CLVS1: variants seen among roughly 807,000 people sequenced by gnomAD.
The protein encoded by CLVS1 is clavesin 1, also known as clavesin-1.
CLVS1 carries 10 observed loss-of-function variants against 33.1 expected under a neutral mutation model. That is an observed-to-expected ratio of 0.30 (90% CI 0.19 to 0.51). CLVS1 has a LOEUF of 0.51. Ranked by LOEUF, CLVS1 falls within the 20% of genes least tolerant of loss-of-function variation. CLVS1 has a pLI of 0.97. For missense variants in CLVS1, 343 were observed against 433.4 expected, an observed-to-expected ratio of 0.79 and a Z score of 1.85; for synonymous variants, 163 against 166.1, an observed-to-expected ratio of 0.98 and a Z score of 0.14.
intron 1 of CLVS1, among the ~76,000 whole-genome samples, chr8:61,063,525 G>A (rs1455237498): frequency 6.6e-6 from 1 of 152,100 alleles, no homozygotes; most frequent in African/African-American, 2.4e-5. Context: ...CCTGGCTGGG[G>A]CACAGGCTTC....
intron 3 of CLVS1, among the ~76,000 whole-genome samples, chr8:61,399,328 T>C (rs1033494921): frequency 6.6e-6 from 1 of 151,910 alleles, no homozygotes; most frequent in Non-Finnish European, 1.5e-5. Context: ...TGGCCACATG[T>C]ATGTCTTCTT....
chr8:61,429,279 G>A (rs1055227748), intron 3 of CLVS1, among the ~76,000 whole-genome samples: 1 of 152,144 alleles, frequency 6.6e-6, no homozygotes, highest in South Asian at 2.1e-4. Flanking sequence ...AATTAGCTGG[G>A]CGTGGTTGCT....
chr8:61,467,353 C>T lies in CLVS1; in HGVS notation c.977+8811C>T, dbSNP rs550226753. Among the ~76,000 whole-genome samples, 14 of 152,286 alleles carry T rather than the reference C, an allele frequency of 9.2e-5. No homozygotes were observed. The South Asian group carries it at 2.7e-3, about 29-fold the overall frequency. ...TTTGTTTCATTTATTCTTAGCCAGT[C>T]CTGACAGCGGCTATTAACAATGGAC... is the stretch of plus-strand genomic sequence containing the variant. On this transcript the variant is annotated intron_variant, in intron 5 of 5. Coordinates refer to ENST00000325897, the MANE Select transcript of CLVS1 (RefSeq NM_173519.3).
rs192446361 is a variant in CLVS1 at position 61,412,478 on chromosome 8, C to T, written c.630+35699C>T. On this transcript the variant is annotated intron_variant, in intron 3 of 5. Coordinates refer to ENST00000325897, the MANE Select transcript of CLVS1 (RefSeq NM_173519.3). ...AAAATAGGTTGAATTATGTCAGAAG[C>T]TCTGTATAGGTATCTACTGTGGCTA... Among the ~76,000 whole-genome samples, 268 of 152,218 alleles carry T rather than the reference C, an allele frequency of 1.8e-3. 1 individual carries two copies. The highest frequency in any genetic ancestry group is 6.0e-3 in the African/African-American group (248 of 41,528).
chr8:61,035,275 A>G, the CLVS1 span, among the ~76,000 whole-genome samples: 1 of 148,890 alleles, frequency 6.7e-6, no homozygotes, highest in Admixed American at 6.8e-5. Context: ...AGAGTCTGAA[A>G]TTTCTCATTC....
intron 2 of CLVS1, among the ~76,000 whole-genome samples, chr8:61,256,377 G>A (rs1809082284): frequency 6.6e-6 from 1 of 152,204 alleles, no homozygotes; most frequent in African/African-American, 2.4e-5. Flanking sequence ...GCCGGGCGTG[G>A]TGGCAGACAC....
At chr8:61,261,934 C>A (rs1585730995) in intron 2 of CLVS1, among the ~76,000 whole-genome samples, 3 of 150,698 alleles carry the variant, frequency 2.0e-5, no homozygotes, top group African/African-American at 7.3e-5. Context: ...ATCACTGCTT[C>A]TTTTCTTTCT....
chr8:61,172,678 T>C (rs547763412), intron 2 of CLVS1, among the ~76,000 whole-genome samples: 31 of 152,296 alleles, frequency 2.0e-4, no homozygotes, highest in South Asian at 8.3e-4. Flanking sequence ...ATCTTTAAAA[T>C]GTGCAATGTC....
At position 61,398,320 on chromosome 8, in the gene CLVS1, C is replaced by T. The variant is rs560940105; in HGVS notation, c.630+21541C>T. ...CCTCAGCCTCCCAAGTAGCTGTAAC[C>T]ACAGGTATGCACCACAATGCCTGGT... On this transcript the variant is annotated intron_variant, in intron 3 of 5. Transcript: ENST00000325897. 4.0e-5 allele frequency among the ~76,000 whole-genome samples: 6 copies of T among 151,564 alleles called. No homozygotes were observed. The East Asian group carries it at 1.2e-3, about 30-fold the overall frequency.
intron 3 of CLVS1, among the ~76,000 whole-genome samples, chr8:61,421,604 A>G (rs1815669134): frequency 6.6e-6 from 1 of 152,222 alleles, no homozygotes; most frequent in Non-Finnish European, 1.5e-5. Context: ...TAACCCAGCT[A>G]TACCATTCCT....
intron 2 of CLVS1, among the ~76,000 whole-genome samples, chr8:61,229,115 T>C (rs35254576): frequency 7.9e-4 from 120 of 152,342 alleles, no homozygotes; most frequent in Non-Finnish European, 1.3e-3. Context: ...TACCTCTTGG[T>C]CATTTGACTG....
intron 2 of CLVS1, among the ~76,000 whole-genome samples, chr8:61,263,692 A>G (rs1809251907): frequency 6.6e-6 from 1 of 152,210 alleles, no homozygotes; most frequent in Non-Finnish European, 1.5e-5. Context: ...TTGCAGAAAG[A>G]TCATAGGAAT....
chr8:60,994,655 T>TG, the CLVS1 span, among the ~76,000 whole-genome samples: 1 of 110,042 alleles, frequency 9.1e-6, no homozygotes, highest in East Asian at 2.9e-4. Flanking sequence ...GCTGATGACA[T>TG]TAAAAAAATT....
intron 2 of CLVS1, among the ~76,000 whole-genome samples, chr8:61,365,181 G>T (rs926136742): frequency 6.6e-6 from 1 of 152,186 alleles, no homozygotes; most frequent in Non-Finnish European, 1.5e-5. Flanking sequence ...TCAGGAGAAA[G>T]AATATTCTAT....
intron 5 of CLVS1, among the ~76,000 whole-genome samples, chr8:61,480,216 T>C (rs1818132366): frequency 6.6e-6 from 1 of 152,366 alleles, no homozygotes; most frequent in South Asian, 2.1e-4. Flanking sequence ...CTCCTTGAGC[T>C]GTGGTGGGCT....
chr8:61,432,761 C>T (rs1816161880), intron 3 of CLVS1, among the ~76,000 whole-genome samples: 1 of 152,080 alleles, frequency 6.6e-6, no homozygotes, highest in Admixed American at 6.5e-5. Context: ...AAAGTATAAA[C>T]CGAAAAGTGA....
At chr8:61,483,761 T>G (rs993750516) in intron 5 of CLVS1, among the ~76,000 whole-genome samples, 1 of 152,224 alleles carries the variant, frequency 6.6e-6, no homozygotes, top group African/African-American at 2.4e-5. Context: ...TGATCAAGTG[T>G]GCTTCATCCC....
chr8:60,967,626 C>T, the CLVS1 span: 2 of 455,790 alleles, frequency 4.4e-6, no homozygotes, highest in South Asian at 1.5e-5. Context: ...CTGCCTCTGG[C>T]TCCTTTATCT....
intron 5 of CLVS1, among the ~76,000 whole-genome samples, chr8:61,473,550 C>T (rs977210521): frequency 6.6e-6 from 1 of 152,058 alleles, no homozygotes; most frequent in Non-Finnish European, 1.5e-5. Context: ...AATTTTCACT[C>T]TGTTGTGAGG....
Sources: gnomAD v4.1 joint callset for allele counts (sites outside exome capture counted in the v4.1 genomes callset) on GRCh38, gnomAD v4.1.1 for gene constraint, MANE v1.5 for transcripts, NCBI Gene and HGNC (gene_info 2026-07-23, HGNC 2026-07-21) for gene names.